Variants in PDE1A observed in about 807,000 individuals in gnomAD.
PDE1A encodes the protein dual specificity calcium/calmodulin-dependent 3',5'-cyclic nucleotide phosphodiesterase 1A.
A neutral mutation model predicts 61.7 loss-of-function variants in PDE1A; 35 were observed. The ratio of observed to expected loss-of-function variants is 0.57; its 90% CI spans 0.43 to 0.75. The LOEUF (loss-of-function observed/expected upper bound fraction) is 0.75, where lower values mean the gene tolerates loss of function less well. PDE1A is among the 30% of genes least tolerant of loss of function. The pLI is 0.00. For synonymous variants in PDE1A, 232 were observed against 213.2 expected, an observed-to-expected ratio of 1.09 and a Z score of -0.77; for missense variants, 597 against 630.6, an observed-to-expected ratio of 0.95 and a Z score of 0.57.
intron 1 of PDE1A, among the ~76,000 whole-genome samples, chr2:182,354,435 T>C (rs1574432843): frequency 6.6e-6 from 1 of 152,292 alleles, no homozygotes; most frequent in East Asian, 1.9e-4. Flanking sequence ...AAAATCACGT[T>C]TTCTGCCTTA....
chr2:182,242,928 T>TGG (rs1690663558), intron 2 of PDE1A, among the ~76,000 whole-genome samples: 1 of 114,650 alleles, frequency 8.7e-6, no homozygotes, highest in Non-Finnish European at 1.9e-5. Flanking sequence ...CTCTCTCTCG[T>TGG]GTGTGTATGT....
At chr2:182,370,678 A>C (rs1383759399) in intron 1 of PDE1A, among the ~76,000 whole-genome samples, 1 of 152,206 alleles carries the variant, frequency 6.6e-6, no homozygotes, top group Admixed American at 6.5e-5. Context: ...AAGAAAGCCA[A>C]GAGTGAGTGA....
chr2:182,408,135 G>A (rs1382224040), intron 1 of PDE1A, among the ~76,000 whole-genome samples: 2 of 135,328 alleles, frequency 1.5e-5, no homozygotes, highest in Admixed American at 1.6e-4. Context: ...AGTCACTGGA[G>A]TTTAGTCAAT....
At chr2:182,328,218 G>A (rs1444930203) in intron 1 of PDE1A, among the ~76,000 whole-genome samples, 1 of 152,162 alleles carries the variant, frequency 6.6e-6, no homozygotes, top group Non-Finnish European at 1.5e-5. Context: ...GGAAAACATG[G>A]AATGATTGCC....
chr2:182,523,713 C>T (rs1287495018), upstream of PDE1A, among the ~76,000 whole-genome samples: 1 of 152,116 alleles, frequency 6.6e-6, no homozygotes, highest in African/African-American at 2.4e-5. Context: ...TTTTTAAATT[C>T]TTACAAGATG....
intron 2 of PDE1A, among the ~76,000 whole-genome samples, chr2:182,504,714 T>C (rs146358866): frequency 1.3e-5 from 2 of 152,338 alleles, no homozygotes; most frequent in Non-Finnish European, 2.9e-5. Flanking sequence ...TGATAAACAC[T>C]GTATGAGTAT....
chr2:182,454,432 T>C (rs1373182513), intron 2 of PDE1A, among the ~76,000 whole-genome samples: 14 of 152,188 alleles, frequency 9.2e-5, no homozygotes, highest in East Asian at 1.9e-4. Context: ...AAAGTTCATA[T>C]GGAACCAAAA....
intron 1 of PDE1A, among the ~76,000 whole-genome samples, chr2:182,287,424 C>G (rs1226600017): frequency 1.3e-5 from 2 of 152,092 alleles, no homozygotes; most frequent in Non-Finnish European, 2.9e-5. Context: ...ATCTATCTAT[C>G]ACGTCTATTT....
intron 7 of PDE1A, among the ~76,000 whole-genome samples, chr2:182,210,073 T>C (rs1398847442): frequency 1.3e-5 from 2 of 152,238 alleles, no homozygotes; most frequent in African/African-American, 4.8e-5. Flanking sequence ...CTTCCAAGTT[T>C]TGGCAATTAT....
chr2:182,261,470 A>G (rs1289523708), intron 2 of PDE1A, among the ~76,000 whole-genome samples: 1 of 152,192 alleles, frequency 6.6e-6, no homozygotes, highest in Admixed American at 6.5e-5. Flanking sequence ...AAAACTCATG[A>G]TGCCATGGAA....
At chr2:182,482,631 G>A (rs997591264) in intron 2 of PDE1A, among the ~76,000 whole-genome samples, 1 of 152,090 alleles carries the variant, frequency 6.6e-6, no homozygotes, top group Non-Finnish European at 1.5e-5. Flanking sequence ...AGAAACTATG[G>A]AATGTCAGTT....
intron 11 of PDE1A, among the ~76,000 whole-genome samples, chr2:182,186,799 T>C (rs1685245110): frequency 1.3e-5 from 2 of 152,188 alleles, no homozygotes; most frequent in Non-Finnish European, 2.9e-5. Context: ...CTTGAAGCCA[T>C]GGAAGTGACA....
At chr2:182,592,117 C>T in the PDE1A span, among the ~76,000 whole-genome samples, 1 of 152,178 alleles carries the variant, frequency 6.6e-6, no homozygotes, top group African/African-American at 2.4e-5. Context: ...ATTTCGATGC[C>T]AGCTTGGTAT....
the PDE1A span, among the ~76,000 whole-genome samples, chr2:182,630,768 A>C: frequency 1.2e-3 from 184 of 152,244 alleles, 1 homozygote; most frequent in South Asian, 0.01. Flanking sequence ...AGTTTTCCAC[A>C]CAGGGATGAA....
chr2:182,296,762 T>A (rs1245427324), intron 1 of PDE1A, among the ~76,000 whole-genome samples: 1 of 152,146 alleles, frequency 6.6e-6, no homozygotes, highest in East Asian at 1.9e-4. Flanking sequence ...TGTTTCCCAA[T>A]TAGATTAGTA....
At chr2:182,627,632 GCAGCTGAAAGTTAAAAATTAATT>G in the PDE1A span, among the ~76,000 whole-genome samples, 1 of 151,202 alleles carries the variant, frequency 6.6e-6, no homozygotes, top group African/African-American at 2.4e-5. Context: ...CCAGACATCT[GCAGCTGAAAGTTAAAAATTAATT>G]CAAATTGCTG....
intron 1 of PDE1A, among the ~76,000 whole-genome samples, chr2:182,281,335 T>C (rs370527466): frequency 2.0e-5 from 3 of 152,124 alleles, no homozygotes; most frequent in African/African-American, 7.2e-5. Flanking sequence ...AACGTTATAA[T>C]GAGTGCTTTG....
At chr2:182,429,533 A>C (rs1324650262), upstream of PDE1A, among the ~76,000 whole-genome samples, 2 of 152,062 alleles carry the variant, frequency 1.3e-5, no homozygotes, top group African/African-American at 4.8e-5. Context: ...GACTTAGTCT[A>C]ACACGTTCAC....
At chr2:182,186,999 A>T (rs1003435486) in intron 11 of PDE1A, among the ~76,000 whole-genome samples, 15 of 152,350 alleles carry the variant, frequency 9.8e-5, no homozygotes, top group African/African-American at 3.6e-4. Flanking sequence ...TACTAACAAG[A>T]AATCATATCT....
Sources: allele counts gnomAD v4.1 joint callset (sites outside exome capture counted in the v4.1 genomes callset), GRCh38; gene constraint gnomAD v4.1.1; transcripts MANE v1.5; gene names NCBI Gene and HGNC (gene_info 2026-07-23, HGNC 2026-07-21).